ERC1: variants seen among roughly 807,000 people sequenced by gnomAD.
The protein encoded by ERC1 is RAB6 interacting protein 2.
Under a neutral mutation model 132.0 loss-of-function variants are expected in ERC1, and 56 were observed. The observed-to-expected ratio is 0.42, with a 90% confidence interval of 0.34 to 0.53. The LOEUF is 0.53. ERC1 is among the 20% of genes least tolerant of loss of function. ERC1 has a pLI of 0.03. For missense variants in ERC1, 1,202 were observed against 1,349.9 expected (o/e 0.89, Z 1.72); for synonymous variants, 478 against 476.1 (o/e 1.00, Z -0.05).
At chr12:1,370,036 C>T (rs1308492676) in intron 15 of ERC1, among the ~76,000 whole-genome samples, 1 of 152,214 alleles carries the variant, frequency 6.6e-6, no homozygotes, top group Non-Finnish European at 1.5e-5. Context: ...GCTCAATTAT[C>T]TTAACAAAAG....
chr12:1,315,709 A>G (rs2081642833), intron 15 of ERC1, among the ~76,000 whole-genome samples: 1 of 152,064 alleles, frequency 6.6e-6, no homozygotes, highest in African/African-American at 2.4e-5. Context: ...TGAATGGCAC[A>G]TTAGAGAGAG....
chr12:1,411,702 T>A (rs2091862223), intron 17 of ERC1, among the ~76,000 whole-genome samples: 1 of 152,232 alleles, frequency 6.6e-6, no homozygotes, highest in African/African-American at 2.4e-5. Flanking sequence ...TGTAGTTTAC[T>A]GGTCTCTTAG....
intron 2 of ERC1, among the ~76,000 whole-genome samples, chr12:1,081,536 T>C (rs1024285630): frequency 1.3e-5 from 2 of 152,234 alleles, no homozygotes; most frequent in Admixed American, 1.3e-4. Flanking sequence ...CAAGGATTGC[T>C]TTGAATGCCA....
At chr12:1,484,067 A>AGTCCAAAGGG (rs1330172129) in intron 18 of ERC1, among the ~76,000 whole-genome samples, 1 of 132,456 alleles carries the variant, frequency 7.5e-6, no homozygotes, top group African/African-American at 3.1e-5. Flanking sequence ...GCACTTTGGG[A>AGTCCAAAGGG]GGCTGAGGCG....
chr12:1,345,256 C>T (rs1383100781), intron 15 of ERC1, among the ~76,000 whole-genome samples: 1 of 144,998 alleles, frequency 6.9e-6, no homozygotes, highest in Middle Eastern at 3.9e-3. Context: ...TCTGGGCTCA[C>T]TGCAAGCTCC....
At chr12:1,292,384 A>C (rs773127220) in intron 15 of ERC1, among the ~76,000 whole-genome samples, 1 of 152,192 alleles carries the variant, frequency 6.6e-6, no homozygotes, top group Non-Finnish European at 1.5e-5. Flanking sequence ...TTAAATCACT[A>C]TACTCATTGG....
chr12:1,400,916 A>ATTATTATTATTT (rs2090981093), intron 16 of ERC1, among the ~76,000 whole-genome samples: 5 of 15,040 alleles, frequency 3.3e-4, no homozygotes, highest in African/African-American at 1.5e-3. Flanking sequence ...CTATTTTTGT[A>ATTATTATTATTT]TTTTTTTTTT....
At chr12:1,298,553 A>AAAAC (rs1453120519) in intron 15 of ERC1, among the ~76,000 whole-genome samples, 3 of 146,700 alleles carry the variant, frequency 2.0e-5, no homozygotes, top group East Asian at 1.9e-4. Context: ...AAAAAAAAAA[A>AAAAC]AAACAAACAA....
intron 8 of ERC1, among the ~76,000 whole-genome samples, chr12:1,177,769 C>T (rs925296610): frequency 5.3e-5 from 8 of 152,120 alleles, no homozygotes; most frequent in East Asian, 3.9e-4. Flanking sequence ...AAAGTAGTGC[C>T]GATAGACTTG....
At chr12:1,079,635 G>T (rs1213943470) in intron 2 of ERC1, among the ~76,000 whole-genome samples, 15 of 60,782 alleles carry the variant, frequency 2.5e-4, no homozygotes, top group African/African-American at 7.2e-4. Context: ...CAGAGATACA[G>T]ATAGAAATGA....
intron 13 of ERC1, among the ~76,000 whole-genome samples, chr12:1,242,767 C>T (rs186944567): frequency 1.8e-4 from 28 of 152,038 alleles, no homozygotes; most frequent in African/African-American, 6.3e-4. Context: ...TGGATTCAGC[C>T]AACGGTGGAT....
At chr12:1,013,020 G>A (rs1247756846) in intron 1 of ERC1, among the ~76,000 whole-genome samples, 1 of 152,164 alleles carries the variant, frequency 6.6e-6, no homozygotes, top group Non-Finnish European at 1.5e-5. Context: ...ATAGACGTTT[G>A]TGAACAGGTA....
Position 1,104,769 on chromosome 12 carries a change from A to G in ERC1, c.1106A>G (p.Glu369Gly). ...MLREEMHRRF[E>G]NAPDSAKTKA... Reference sequence around the variant, plus strand: ...CTACAGGAGATGCATCGAAGGTTTGAGAATGCTCCTGATTCTGCCAAAACA... The same window carrying G: ...CTACAGGAGATGCATCGAAGGTTTGGGAATGCTCCTGATTCTGCCAAAACA... Residue 369 changes from glutamate to glycine, a missense_variant, in exon 4 of 19, where the codon GAG becomes GGG. Glu to Gly is a moderately conservative substitution (Grantham distance 98). Transcript: ENST00000360905. 1 of 1,613,222 alleles carries G rather than the reference A, an allele frequency of 6.2e-7. No homozygotes were observed. Among genetic ancestry groups the G allele is most frequent in the Non-Finnish European group, 8.5e-7 (1 of 1,179,140 alleles).
At position 1,315,926 on chromosome 12, in the gene ERC1, C is replaced by G. The variant is rs189436208; in HGVS notation, c.2780+25914C>G. ...TTTTTTTTTGAGACGGAGTCTCACT[C>G]TGTCGCCCAGGCTGGAGTGCAGTGG... On this transcript the variant is annotated intron_variant, in intron 15 of 18. Coordinates refer to ENST00000360905, the MANE Select transcript of ERC1 (RefSeq NM_178040.4). 3.6e-3 allele frequency among the ~76,000 whole-genome samples: 546 copies of G among 151,972 alleles called. 3 individuals are homozygous for G. Among genetic ancestry groups the G allele is most frequent in the Non-Finnish European group, 5.8e-3 (394 of 67,968 alleles).
intron 2 of ERC1, among the ~76,000 whole-genome samples, chr12:1,045,607 AAATT>A (rs147408177): frequency 0.023 from 3,486 of 152,202 alleles, 130 homozygotes; most frequent in African/African-American, 0.08. Context: ...AGGAAATTGA[AAATT>A]AAGAGAGGAA....
Position 1,493,551 on chromosome 12 carries a change from ATATATATATAT to A in ERC1, c.*3322_*3332del, listed in dbSNP as rs1565554205. ...CCATTTAAAAAAAAAAAAAAAAAATATATATATATATATATATATATATATATGGATGGGAA... is the reference window on the plus strand; with the variant it reads ...CCATTTAAAAAAAAAAAAAAAAAATAATATATATATATATATGGATGGGAA... On this transcript the variant is annotated 3_prime_UTR_variant, in exon 19 of 19. Coordinates refer to ENST00000360905, the MANE Select transcript of ERC1 (RefSeq NM_178040.4). The A allele has an allele frequency of 2.0e-3, 163 of 83,466 alleles. 5 individuals are homozygous for A. The highest frequency in any genetic ancestry group is 7.2e-3 in the African/African-American group (162 of 22,562). The allele number at this position is 83,466 out of a possible 1,614,324, so 5.2% of individuals were successfully genotyped here.
At chr12:1,130,146 T>C (rs779372932) in intron 7 of ERC1, among the ~76,000 whole-genome samples, 7 of 152,150 alleles carry the variant, frequency 4.6e-5, no homozygotes, top group Non-Finnish European at 1.0e-4. Flanking sequence ...ATTTCTACAG[T>C]GGCAAAATGA....
chr12:1,370,992 C>T (rs117455418), intron 15 of ERC1, among the ~76,000 whole-genome samples: 9,201 of 152,230 alleles, frequency 0.06, 320 homozygotes, highest in South Asian at 0.12. Flanking sequence ...GGATTACAGG[C>T]GCGAGCCACC....
At chr12:1,248,515 G>A (rs1301675656) in intron 13 of ERC1, among the ~76,000 whole-genome samples, 3 of 152,112 alleles carry the variant, frequency 2.0e-5, no homozygotes, top group Non-Finnish European at 4.4e-5. Context: ...AAAAATTGAG[G>A]TTACCCATAT....
Sources: gnomAD v4.1 joint callset for allele counts (sites outside exome capture counted in the v4.1 genomes callset) on GRCh38, gnomAD v4.1.1 for gene constraint, MANE v1.5 for transcripts, NCBI Gene and HGNC (gene_info 2026-07-23, HGNC 2026-07-21) for gene names.